HEMK2: variants seen among roughly 807,000 people sequenced by gnomAD.
HEMK2 encodes methyltransferase HEMK2.
chr21:28,710,106 C>T, the HEMK2 span, among the ~76,000 whole-genome samples: 3 of 152,166 alleles, frequency 2.0e-5, no homozygotes, highest in Non-Finnish European at 4.4e-5. Context: ...TGACACTTTT[C>T]AGAAGAAAGT....
At chr21:28,768,413 CA>C in the HEMK2 span, among the ~76,000 whole-genome samples, 49,481 of 151,904 alleles carry the variant, frequency 0.33, 8,163 homozygotes, top group Middle Eastern at 0.44. Context: ...ATGGATTGGC[CA>C]AAGAGATAAA....
the HEMK2 span, among the ~76,000 whole-genome samples, chr21:28,744,627 CAA>C: frequency 1.3e-5 from 2 of 152,160 alleles, no homozygotes; most frequent in Non-Finnish European, 2.9e-5. Context: ...ATAAAGGAAA[CAA>C]GAGCCTCTAT....
the HEMK2 span, among the ~76,000 whole-genome samples, chr21:28,581,238 T>TA: frequency 4.0e-5 from 6 of 151,110 alleles, no homozygotes; most frequent in South Asian, 1.3e-3. Context: ...TTTTTTTTTT[T>TA]AAACAGCTAG....
the HEMK2 span, among the ~76,000 whole-genome samples, chr21:28,722,139 C>T: frequency 2.0e-5 from 3 of 150,876 alleles, no homozygotes; most frequent in Non-Finnish European, 4.4e-5. Flanking sequence ...GTGTTGTCTT[C>T]CATCTAGATC....
chr21:28,863,464 A>C, the HEMK2 span, among the ~76,000 whole-genome samples: 432 of 73,476 alleles, frequency 5.9e-3, 7 homozygotes, highest in Non-Finnish European at 0.01. Flanking sequence ...ATATATATAT[A>C]TATATACTTC....
the HEMK2 span, chr21:28,879,954 C>G: frequency 2.0e-5 from 31 of 1,584,516 alleles, no homozygotes; most frequent in Non-Finnish European, 2.7e-5. Flanking sequence ...AGCCTTTGAC[C>G]TAAATGTATT....
chr21:28,653,764 A>T, the HEMK2 span, among the ~76,000 whole-genome samples: 19 of 152,170 alleles, frequency 1.2e-4, no homozygotes, highest in Non-Finnish European at 2.5e-4. Context: ...TGGACTATAA[A>T]GAGTTTTGAA....
chr21:28,625,004 A>G, the HEMK2 span, among the ~76,000 whole-genome samples: 1 of 152,362 alleles, frequency 6.6e-6, no homozygotes, highest in Non-Finnish European at 1.5e-5. Flanking sequence ...CTATATTTGC[A>G]TTTATGCTAC....
chr21:28,668,416 A>G, the HEMK2 span, among the ~76,000 whole-genome samples: 2 of 152,180 alleles, frequency 1.3e-5, no homozygotes, highest in African/African-American at 2.4e-5. Flanking sequence ...TCAGTCTAAG[A>G]CTTATAACAT....
At chr21:28,785,117 C>T in the HEMK2 span, among the ~76,000 whole-genome samples, 16 of 152,114 alleles carry the variant, frequency 1.1e-4, no homozygotes, top group Non-Finnish European at 2.9e-5. Context: ...AGCAAGACCA[C>T]GAGCCTGCCA....
the HEMK2 span, among the ~76,000 whole-genome samples, chr21:28,644,084 A>G: frequency 6.6e-6 from 1 of 152,214 alleles, no homozygotes; most frequent in Non-Finnish European, 1.5e-5. Context: ...TCACATTACT[A>G]TAAGGAAATA....
the HEMK2 span, among the ~76,000 whole-genome samples, chr21:28,687,589 G>GTT: frequency 2.6e-5 from 4 of 152,096 alleles, no homozygotes; most frequent in East Asian, 3.9e-4. Flanking sequence ...AGACCAACTT[G>GTT]TTTTTTTCAA....
At chr21:28,685,492 A>G in the HEMK2 span, among the ~76,000 whole-genome samples, 1 of 152,186 alleles carries the variant, frequency 6.6e-6, no homozygotes, top group African/African-American at 2.4e-5. Flanking sequence ...GGAAAAATAT[A>G]TTAAGAAAGC....
the HEMK2 span, among the ~76,000 whole-genome samples, chr21:28,594,841 A>C: frequency 2.6e-5 from 4 of 152,346 alleles, no homozygotes; most frequent in Admixed American, 6.5e-5. Context: ...AGCATTTACC[A>C]GGGCTATTAA....
chr21:28,825,181 G>A, the HEMK2 span, among the ~76,000 whole-genome samples: 3 of 152,180 alleles, frequency 2.0e-5, no homozygotes, highest in Non-Finnish European at 4.4e-5. Context: ...ATGACCCAGG[G>A]AAGGGGCTCT....
chr21:28,594,317 G>A, the HEMK2 span, among the ~76,000 whole-genome samples: 7 of 152,024 alleles, frequency 4.6e-5, no homozygotes, highest in East Asian at 1.9e-4. Flanking sequence ...AAAGACTAAC[G>A]GAATCAAAAT....
At chr21:28,841,206 A>T in the HEMK2 span, among the ~76,000 whole-genome samples, 2 of 16,876 alleles carry the variant, frequency 1.2e-4, no homozygotes, top group South Asian at 1.8e-3. Context: ...TATATTATAT[A>T]ATATATTATA....
the HEMK2 span, among the ~76,000 whole-genome samples, chr21:28,730,449 G>A: frequency 7.9e-6 from 1 of 126,338 alleles, no homozygotes; most frequent in South Asian, 2.5e-4. Context: ...TCAGGGATCT[G>A]GGTACGGCAT....
chr21:28,788,212 ATATATGTATATATACACG>A, the HEMK2 span, among the ~76,000 whole-genome samples: 1 of 149,494 alleles, frequency 6.7e-6, no homozygotes, highest in African/African-American at 2.5e-5. Context: ...ATATATACGT[ATATATGTATATATACACG>A]TATATACGTA....
Sources: gnomAD v4.1 joint callset for allele counts (sites outside exome capture counted in the v4.1 genomes callset) on GRCh38, gnomAD v4.1.1 for gene constraint, MANE v1.5 for transcripts, NCBI Gene and HGNC (gene_info 2026-07-23, HGNC 2026-07-21) for gene names.